HYAL1: variants seen among roughly 807,000 people sequenced by gnomAD.
HYAL1 encodes hyaluronidase-1.
In HYAL1, 21 loss-of-function variants were observed where a neutral mutation model predicts 28.8. That is an observed-to-expected ratio of 0.73 (90% CI 0.52 to 1.05). HYAL1 has a LOEUF of 1.05. Among genes scored for constraint, HYAL1 ranks in the 50% least tolerant of loss-of-function variants. HYAL1 has a pLI of 0.00. For synonymous variants in HYAL1, 200 were observed against 230.1 expected (o/e 0.87, Z 1.18); for missense variants, 491 against 579.2 (o/e 0.85, Z 1.56).
upstream of HYAL1, among the ~76,000 whole-genome samples, chr3:50,305,838 T>C (rs1575520897): frequency 6.6e-6 from 1 of 151,410 alleles, no homozygotes; most frequent in South Asian, 2.1e-4. Context: ...TTGGCTAAGG[T>C]ACTTCTTACG....
Position 50,300,024 on chromosome 3 carries a change from C to T in HYAL1, c.*459G>A, listed in dbSNP as rs150976767. 47 of 243,340 alleles carry T rather than the reference C, an allele frequency of 1.9e-4. No individual in the cohort carries two copies. The highest frequency in any genetic ancestry group is 4.0e-4 in the Admixed American group (8 of 20,112). 15.1% of individuals were successfully genotyped at this position (243,340 alleles called of 1,614,324 possible). On this transcript the variant is annotated 3_prime_UTR_variant, in exon 4 of 4. Coordinates refer to ENST00000395144, the MANE Select transcript of HYAL1 (RefSeq NM_033159.4). ...GGAGCTAGACAGCCTGGGTTTGAAT[C>T]TCAACTTCTCCCTTTTCTTGCTGTG...
At chr3:50,300,928 CG>C in intron 3 of HYAL1, 59 bp downstream of exon 3, 1 of 1,481,512 alleles carries the variant, frequency 6.7e-7, no homozygotes, top group Non-Finnish European at 9.3e-7. Context: ...GGGTCTACCC[CG>C]TCAGCTTAAT....
chr3:50,300,512 G>A lies in HYAL1; in HGVS notation c.1279C>T (p.Pro427Ser). The change falls in exon 4 of 4, where the codon CCG becomes TCG. Residue 427 changes from proline (P) to serine (S), a missense_variant. By Grantham distance (74) the Pro-to-Ser change is moderately conservative (BLOSUM62 -1). Coordinates refer to ENST00000395144, the MANE Select transcript of HYAL1 (RefSeq NM_033159.4). The part of the protein sequence containing the change: ...KCRCYPGWQA[P>S]WCERKSMW Reference sequence around the variant, plus strand: ...CACATGCTCTTCCGCTCACACCACGGTGCCTGCCAGCCAGGGTAGCATCGA... The same window carrying A: ...CACATGCTCTTCCGCTCACACCACGATGCCTGCCAGCCAGGGTAGCATCGA... 2 of 1,614,202 alleles carry A rather than the reference G, an allele frequency of 1.2e-6. No individual in the cohort carries two copies. The highest frequency in any genetic ancestry group is 1.7e-6 in the Non-Finnish European group (2 of 1,180,042).
intron 1 of HYAL1, among the ~76,000 whole-genome samples, chr3:50,312,018 G>A (rs1414595054): frequency 7.0e-6 from 1 of 142,532 alleles, no homozygotes; most frequent in Non-Finnish European, 1.6e-5. Flanking sequence ...CCGGGTGGGA[G>A]GCTGTCCCCC....
rs1553713498 is a variant in HYAL1 at position 50,302,996 on chromosome 3, AGAGCT to A, written c.-24-21_-24-17del. On this transcript the variant is annotated splice_polypyrimidine_tract_variant and intron_variant, in intron 1 of 3. Coordinates refer to ENST00000395144, the MANE Select transcript of HYAL1 (RefSeq NM_033159.4). The surrounding 1 kb of genome is among the most constrained non-coding windows in gnomAD (Gnocchi z 5.0). ...CGAGGACAACCTGGCCAGGGGAGGC[AGAGCT>A]GAGAACAGGTTGCAAAGTCTCCGAT... The A allele has an allele frequency of 3.9e-6, 6 of 1,526,200 alleles. No homozygotes were observed. Among genetic ancestry groups the A allele is most frequent in the Non-Finnish European group, 8.8e-7 (1 of 1,135,810 alleles). 94.5% of individuals were successfully genotyped at this position (1,526,200 alleles called of 1,614,324 possible).
chr3:50,307,705 C>T (rs782416045), upstream of HYAL1, among the ~76,000 whole-genome samples: 2 of 131,810 alleles, frequency 1.5e-5, no homozygotes, highest in Admixed American at 1.6e-4. Flanking sequence ...AAAAAAAAAA[C>T]CCAAAATAAA....
chr3:50,300,589 C>T lies in HYAL1; in HGVS notation c.1202G>A (p.Arg401Gln), dbSNP rs781849333. ...LTPGGGPLSL[R>Q]GALSLEDQAQ... ...CTGATCTTCAAGTGAGAGGGCACCC[C>T]GCAGGCTCAGGGGCCCACCACCAGG... is the stretch of plus-strand genomic sequence containing the variant. The change falls in exon 4 of 4, where the codon CGG (arginine) becomes CAG (glutamine). Residue 401 changes from arginine to glutamine, a missense_variant. Transcript: ENST00000395144. 51 of 1,614,054 alleles carry T rather than the reference C, an allele frequency of 3.2e-5. No individual in the cohort carries two copies. Among genetic ancestry groups the T allele is most frequent in the Admixed American group, 2.3e-4 (14 of 59,992 alleles).
In HYAL1 at chr3:50,301,425, G is replaced by T. The variant is rs1553712875; in HGVS notation, c.901-348C>A. 1.3e-5 allele frequency among the ~76,000 whole-genome samples: 2 copies of T among 151,646 alleles called. 1 individual carries two copies. Among genetic ancestry groups the T allele is most frequent in the Admixed American group, 1.3e-4 (2 of 15,228 alleles). ...GAAGTCAGGAGTTCGAGACCAGCCT[G>T]GCCAACATGGTGAAACCCCATTTCT... On this transcript the variant is annotated intron_variant, in intron 2 of 3. Coordinates refer to ENST00000395144, the MANE Select transcript of HYAL1 (RefSeq NM_033159.4).
chr3:50,300,292 G>A lies in HYAL1; in HGVS notation c.*191C>T. The stretch of plus-strand genomic sequence containing the variant: ...CATGGAATGAATGGTGTCTGCTGTG[G>A]TTCTAACTCCTTATGCCACTATTCC... On this transcript the variant is annotated 3_prime_UTR_variant, in exon 4 of 4. Coordinates refer to ENST00000395144, the MANE Select transcript of HYAL1 (RefSeq NM_033159.4). 2 of 654,098 alleles carry A rather than the reference G, an allele frequency of 3.1e-6. No individual in the cohort carries two copies. The highest frequency in any genetic ancestry group is 1.7e-5 in the South Asian group (1 of 57,754). 40.5% of individuals were successfully genotyped at this position (654,098 alleles called of 1,614,324 possible).
At position 50,302,386 on chromosome 3, in the gene HYAL1, G is replaced by A. The variant is rs143791794; in HGVS notation, c.571C>T (p.Arg191Trp). The A allele has an allele frequency of 1.3e-5, 21 of 1,613,766 alleles. No individual in the cohort carries two copies. Among genetic ancestry groups the A allele is most frequent in the Admixed American group, 1.7e-5 (1 of 60,034 alleles). The change falls in exon 2 of 4, where the codon CGG becomes TGG. Residue 191 changes from arginine (R) to tryptophan (W), a missense_variant. Arg to Trp is a moderately radical substitution (Grantham distance 101). Transcript: ENST00000395144. This position sits in a 1 kb window ranked among gnomAD's most constrained non-coding sequence, Gnocchi z 5.0. Reference sequence around the variant, plus strand: ...CAGAGGCCGCGAGGACGCAGTGCCCGCCCCAGCTGGAGGGTGCCTGCCATC... The same window carrying A: ...CAGAGGCCGCGAGGACGCAGTGCCCACCCCAGCTGGAGGGTGCCTGCCATC... ...AWMAGTLQLG[R>W]ALRPRGLWGF...
chr3:50,307,235 T>C (rs184702506), upstream of HYAL1, among the ~76,000 whole-genome samples: 2 of 148,286 alleles, frequency 1.3e-5, 1 homozygote, highest in African/African-American at 5.1e-5. Flanking sequence ...CTTAGTGGTG[T>C]GTGCCTATAA....
intron 2 of HYAL1, among the ~76,000 whole-genome samples, chr3:50,308,881 C>G (rs1164577162): frequency 6.7e-6 from 1 of 150,028 alleles, no homozygotes; most frequent in Non-Finnish European, 1.5e-5. Flanking sequence ...CAGGTGCACA[C>G]CACTACACCT....
At chr3:50,311,030 T>C (rs1226050870) in intron 1 of HYAL1, among the ~76,000 whole-genome samples, 1 of 152,142 alleles carries the variant, frequency 6.6e-6, no homozygotes, top group Non-Finnish European at 1.5e-5. Context: ...ACCATCCGAT[T>C]TCTCAATCTT....
intron 2 of HYAL1, 117 bp from the exon 3 acceptor site, chr3:50,301,194 T>C: frequency 1.5e-6 from 1 of 681,950 alleles, no homozygotes; most frequent in Non-Finnish European, 2.5e-6. Context: ...GCTCTGGCCA[T>C]GGGACCAGAG....
At chr3:50,301,685 G>A (rs1437174909) in intron 2 of HYAL1, among the ~76,000 whole-genome samples, 3 of 151,772 alleles carry the variant, frequency 2.0e-5, no homozygotes, top group Non-Finnish European at 4.4e-5. Context: ...GGGCGCGGTG[G>A]CTCACGCCTG....
chr3:50,303,022 C>G, intron 1 of HYAL1, 42 bp from the exon 2 acceptor site: 6 of 1,444,566 alleles, frequency 4.2e-6, no homozygotes, highest in South Asian at 1.4e-5. Context: ...TGCAAAGTCT[C>G]CGATTCCCCC....
chr3:50,300,485 A>G lies in HYAL1; in HGVS notation c.1306T>C (p.Ter436ArgextTer5). The change falls in exon 4 of 4, where the codon TGA (stop) becomes CGA (arginine). Residue 436 changes from the stop codon to arginine (R), a stop_lost. Transcript: ENST00000395144. ...APWCERKSMW[*>R] is the part of the protein sequence containing the mutation. Reference sequence around the variant, plus strand: ...TGTGCAACTCAGTGTGTGGCCAATCACCACATGCTCTTCCGCTCACACCAC... The same window carrying G: ...TGTGCAACTCAGTGTGTGGCCAATCGCCACATGCTCTTCCGCTCACACCAC... The G allele has an allele frequency of 3.1e-6, 5 of 1,614,082 alleles. No homozygotes were observed. The highest frequency in any genetic ancestry group is 3.4e-6 in the Non-Finnish European group (4 of 1,179,954).
Position 50,302,595 on chromosome 3 carries a change from T to G in HYAL1, c.362A>C (p.Asp121Ala), listed in dbSNP as rs782705641. Residue 121 changes from aspartate to alanine, a missense_variant, in exon 2 of 4, where the codon GAC (aspartate) becomes GCC (alanine). Asp to Ala is a moderately radical substitution (Grantham distance 126). Coordinates refer to ENST00000395144, the MANE Select transcript of HYAL1 (RefSeq NM_033159.4). The surrounding 1 kb of genome is among the most constrained non-coding windows in gnomAD (Gnocchi z 5.0). ...GTCGATGACTGCCAGCCCTGAGAAGTCAGGAGCAGGTATGGCAGCCAGGAT... is the reference window on the plus strand; with the variant it reads ...GTCGATGACTGCCAGCCCTGAGAAGGCAGGAGCAGGTATGGCAGCCAGGAT... ...QDILAAIPAPDFSGLAVIDWE... is the reference protein window; with the variant it reads ...QDILAAIPAPAFSGLAVIDWE... 2 of 1,613,848 alleles carry G rather than the reference T, an allele frequency of 1.2e-6. No homozygotes were observed. Among genetic ancestry groups the G allele is most frequent in the Non-Finnish European group, 1.7e-6 (2 of 1,179,998 alleles).
chr3:50,303,043 G>T, intron 1 of HYAL1, 63 bp from the exon 2 acceptor site: 2 of 1,263,110 alleles, frequency 1.6e-6, no homozygotes, highest in Non-Finnish European at 2.2e-6. Flanking sequence ...ACTGCTCAGG[G>T]CTGGGGGGCT....
Sources: gnomAD v4.1 joint callset for allele counts (sites outside exome capture counted in the v4.1 genomes callset) on GRCh38, gnomAD v4.1.1 for gene constraint, Gnocchi (gnomAD v3.1) non-coding constraint, MANE v1.5 for transcripts, NCBI Gene and HGNC (gene_info 2026-07-23, HGNC 2026-07-21) for gene names.